Variants in SLC49A4 observed in about 807,000 individuals in gnomAD.
SLC49A4 encodes solute carrier family 49 member 4, also known as disrupted in renal cancer protein 2.
SLC49A4 carries 36 observed loss-of-function variants against 50.6 expected under a neutral mutation model. That is an observed-to-expected ratio of 0.71 (90% CI 0.55 to 0.94). The LOEUF (loss-of-function observed/expected upper bound fraction) is 0.94. Ranked by LOEUF, SLC49A4 falls within the 40% of genes least tolerant of loss-of-function variation. The pLI is 0.00. For synonymous variants in SLC49A4, 248 were observed against 241.2 expected (o/e 1.03, Z -0.26); for missense variants, 503 against 605.7 (o/e 0.83, Z 1.78).
chr3:122,865,524 T>G (rs1937107607), intron 7 of SLC49A4, among the ~76,000 whole-genome samples: 1 of 152,194 alleles, frequency 6.6e-6, no homozygotes, highest in African/African-American at 2.4e-5. Context: ...GATATAGAAA[T>G]GTATATATCT....
intron 3 of SLC49A4, among the ~76,000 whole-genome samples, chr3:122,831,502 A>G (rs1445190706): frequency 6.6e-6 from 1 of 152,164 alleles, no homozygotes; most frequent in East Asian, 1.9e-4. Context: ...GCAAAGTGAA[A>G]GAAGCCAGTC....
chr3:122,872,890 C>G (rs1023724227), intron 8 of SLC49A4, among the ~76,000 whole-genome samples: 6 of 151,978 alleles, frequency 3.9e-5, no homozygotes, highest in African/African-American at 1.5e-4. Flanking sequence ...TCCCCACCCC[C>G]ACGCCTTACC....
At chr3:122,872,632 G>C (rs1416271154) in intron 8 of SLC49A4, 35 bp downstream of exon 8, 1 of 1,482,308 alleles carries the variant, frequency 6.7e-7, no homozygotes, top group Admixed American at 2.1e-5. Context: ...CTATCTAAAT[G>C]TGTTACAAGA....
At chr3:122,852,409 C>A (rs1027645054) in intron 5 of SLC49A4, among the ~76,000 whole-genome samples, 1 of 152,082 alleles carries the variant, frequency 6.6e-6, no homozygotes, top group South Asian at 2.1e-4. Flanking sequence ...TTATCTTGGT[C>A]CCTTGTAGGT....
At chr3:122,815,353 T>C (rs1285400175) in intron 2 of SLC49A4, among the ~76,000 whole-genome samples, 1 of 152,178 alleles carries the variant, frequency 6.6e-6, no homozygotes, top group Non-Finnish European at 1.5e-5. Flanking sequence ...CCTCTCAAAG[T>C]GCTGGGATTA....
chr3:122,826,429 A>G (rs956321406), intron 2 of SLC49A4, among the ~76,000 whole-genome samples: 3 of 152,172 alleles, frequency 2.0e-5, no homozygotes, highest in African/African-American at 7.2e-5. Context: ...ATCTTTCCAA[A>G]TCTAGGATTT....
intron 2 of SLC49A4, among the ~76,000 whole-genome samples, chr3:122,810,955 T>C (rs865797793): frequency 8.5e-5 from 13 of 152,282 alleles, no homozygotes; most frequent in African/African-American, 2.9e-4. Context: ...AAGACTTACA[T>C]GTAAATAATG....
At position 122,848,981 on chromosome 3, in the gene SLC49A4, C is replaced by T. The variant is rs568711335; in HGVS notation, c.942+3110C>T. On this transcript the variant is annotated intron_variant, in intron 5 of 8. Coordinates refer to ENST00000261038, the MANE Select transcript of SLC49A4 (RefSeq NM_032839.3). ...TCATCCTCCCACCCTTCTTCATCAG[C>T]AGCTGGTAACTATCATTCTACATTC... Among the ~76,000 whole-genome samples, 4 of 152,316 alleles carry T rather than the reference C, an allele frequency of 2.6e-5. No individual in the cohort carries two copies. In the South Asian group the frequency reaches 8.3e-4, roughly 32 times the overall value.
At chr3:122,878,965 T>C (rs2107586632) in intron 8 of SLC49A4, among the ~76,000 whole-genome samples, 1 of 152,262 alleles carries the variant, frequency 6.6e-6, no homozygotes, top group Admixed American at 6.5e-5. Flanking sequence ...CATTTAAAGG[T>C]GATTGATTTT....
chr3:122,861,406 A>G (rs1937056842), intron 7 of SLC49A4, among the ~76,000 whole-genome samples: 1 of 152,224 alleles, frequency 6.6e-6, no homozygotes, highest in African/African-American at 2.4e-5. Context: ...CATATTTTAT[A>G]TTATTTGCAA....
At position 122,827,050 on chromosome 3, in the gene SLC49A4, G is replaced by T. The variant is rs755474891; in HGVS notation, c.688G>T (p.Ala230Ser). 6.2e-7 allele frequency: 1 copy of T among 1,611,438 alleles called. No homozygotes were observed. Among genetic ancestry groups the T allele is most frequent in the Admixed American group, 1.7e-5 (1 of 59,980 alleles). ...GGCGCATATTAAAGATCGCATAGAG[G>T]CTGTGTTATATGCAGGTAATTTGAA... ...SRAHIKDRIE[A>S]VLYAEFGVVC... Residue 230 changes from alanine (A) to serine (S), a missense_variant, in exon 3 of 9, where the codon GCT becomes TCT. Physicochemically the swap from Ala to Ser is moderately conservative, Grantham distance 99. Transcript: ENST00000261038.
Position 122,795,070 on chromosome 3 carries a change from G to C in SLC49A4, c.-123G>C, listed in dbSNP as rs962241594. On this transcript the variant is annotated 5_prime_UTR_variant, in exon 1 of 9. Coordinates refer to ENST00000261038, the MANE Select transcript of SLC49A4 (RefSeq NM_032839.3). Reference sequence around the variant, plus strand: ...GGGCCGCGCAGGCGCACCAGGCGCGGTCCGGAGGCCGAGGGCGACCACAGC... The same window carrying C: ...GGGCCGCGCAGGCGCACCAGGCGCGCTCCGGAGGCCGAGGGCGACCACAGC... 1.7e-6 allele frequency: 2 copies of C among 1,158,094 alleles called. No homozygotes were observed. The highest frequency in any genetic ancestry group is 2.2e-6 in the Non-Finnish European group (2 of 925,218). The allele number at this position is 1,158,094 out of a possible 1,614,324, so 71.7% of individuals were successfully genotyped here.
At chr3:122,814,041 C>T (rs1936332872) in intron 2 of SLC49A4, among the ~76,000 whole-genome samples, 1 of 152,172 alleles carries the variant, frequency 6.6e-6, no homozygotes, top group Non-Finnish European at 1.5e-5. Flanking sequence ...GAGGCCAAGG[C>T]AGGTGGATCA....
intron 2 of SLC49A4, among the ~76,000 whole-genome samples, chr3:122,818,425 A>C (rs1936407166): frequency 6.6e-6 from 1 of 152,178 alleles, no homozygotes; most frequent in African/African-American, 2.4e-5. Flanking sequence ...GGGGTATTCC[A>C]TTTATAGATG....
At chr3:122,821,350 G>A (rs1214104986) in intron 2 of SLC49A4, among the ~76,000 whole-genome samples, 6 of 152,168 alleles carry the variant, frequency 3.9e-5, no homozygotes, top group African/African-American at 1.4e-4. Flanking sequence ...GGAAAAAAAG[G>A]GAAAAGGAGA....
At chr3:122,822,919 C>A (rs564754038) in intron 2 of SLC49A4, among the ~76,000 whole-genome samples, 1 of 152,112 alleles carries the variant, frequency 6.6e-6, no homozygotes, top group Non-Finnish European at 1.5e-5. Context: ...CCTCTCCTTG[C>A]CATATATATT....
chr3:122,818,045 C>A (rs1024882841), intron 2 of SLC49A4, among the ~76,000 whole-genome samples: 2 of 152,052 alleles, frequency 1.3e-5, no homozygotes, highest in African/African-American at 4.8e-5. Context: ...TTTTAACTTA[C>A]TGACCCTAAA....
chr3:122,850,042 C>T (rs114987627), intron 5 of SLC49A4, among the ~76,000 whole-genome samples: 7,680 of 151,976 alleles, frequency 0.051, 267 homozygotes, highest in Middle Eastern at 0.11. Context: ...TATAAACATG[C>T]TCTTTGATGC....
At chr3:122,866,527 AC>A (rs1197598735) in intron 7 of SLC49A4, among the ~76,000 whole-genome samples, 1 of 152,154 alleles carries the variant, frequency 6.6e-6, no homozygotes, top group Non-Finnish European at 1.5e-5. Flanking sequence ...ACAAGAGAAG[AC>A]ATCACCTGTT....
Sources: allele counts gnomAD v4.1 joint callset (sites outside exome capture counted in the v4.1 genomes callset), GRCh38; gene constraint gnomAD v4.1.1; transcripts MANE v1.5; gene names NCBI Gene and HGNC (gene_info 2026-07-23, HGNC 2026-07-21).